CPED1: variants seen among roughly 807,000 people sequenced by gnomAD.
CPED1 encodes the protein cadherin-like and PC-esterase domain-containing protein 1.
Under a neutral mutation model 128.2 loss-of-function variants are expected in CPED1, and 114 were observed. That is an observed-to-expected ratio of 0.89 (90% CI 0.76 to 1.04). The LOEUF (loss-of-function observed/expected upper bound fraction) is 1.04, where lower values mean the gene tolerates loss of function less well. Among genes scored for constraint, CPED1 ranks in the 50% least tolerant of loss-of-function variants. The pLI, the probability that CPED1 is intolerant of heterozygous loss-of-function variation, is 0.00. For missense variants in CPED1, 1,211 were observed against 1,207.1 expected (o/e 1.00, Z -0.05); for synonymous variants, 462 against 426.7 (o/e 1.08, Z -1.02).
chr7:121,130,316 A>G (rs751694584), intron 12 of CPED1, 22 bp downstream of exon 12: 2 of 1,574,562 alleles, frequency 1.3e-6, no homozygotes, highest in Non-Finnish European at 1.7e-6. Context: ...ACAAATTTGA[A>G]TTGTACAATC....
intron 18 of CPED1, among the ~76,000 whole-genome samples, chr7:121,256,047 G>C (rs1354621161): frequency 8.2e-6 from 1 of 122,306 alleles, no homozygotes; most frequent in East Asian, 2.7e-4. Flanking sequence ...CATAGACTGG[G>C]AAAAACTATT....
intron 13 of CPED1, among the ~76,000 whole-genome samples, chr7:121,135,520 G>C (rs577841112): frequency 6.6e-6 from 1 of 152,174 alleles, no homozygotes; most frequent in South Asian, 2.1e-4. Context: ...GAATCAGTAG[G>C]TGCAGTGAAG....
chr7:121,088,794 T>C (rs187110691), intron 5 of CPED1, among the ~76,000 whole-genome samples: 1,494 of 54,598 alleles, frequency 0.027, 17 homozygotes, highest in Non-Finnish European at 0.044. Flanking sequence ...AAAAAAAAAT[T>C]GAAAGTGTAA....
chr7:121,227,770 G>A (rs1441892950), intron 16 of CPED1, among the ~76,000 whole-genome samples: 1 of 152,008 alleles, frequency 6.6e-6, no homozygotes, highest in Admixed American at 6.6e-5. Flanking sequence ...TACATGCCAG[G>A]CATGTAATAA....
At chr7:121,131,569 T>G (rs1262837727) in intron 12 of CPED1, among the ~76,000 whole-genome samples, 1 of 151,588 alleles carries the variant, frequency 6.6e-6, no homozygotes, top group African/African-American at 2.4e-5. Context: ...CCCAAGCAAA[T>G]TTTTCTCAAG....
intron 16 of CPED1, among the ~76,000 whole-genome samples, chr7:121,196,205 G>A (rs1289625653): frequency 6.6e-6 from 1 of 151,976 alleles, no homozygotes; most frequent in Admixed American, 6.6e-5. Context: ...TAAAATGGTG[G>A]GGAGAAGATT....
chr7:121,254,199 T>A (rs891313842), intron 18 of CPED1, among the ~76,000 whole-genome samples: 2 of 151,976 alleles, frequency 1.3e-5, no homozygotes, highest in Non-Finnish European at 2.9e-5. Context: ...AATTAAATCA[T>A]ACAAAGCACA....
intron 3 of CPED1, among the ~76,000 whole-genome samples, chr7:121,027,440 A>C (rs1170868753): frequency 1.3e-5 from 2 of 152,172 alleles, no homozygotes; most frequent in African/African-American, 4.8e-5. Flanking sequence ...TATGCAATTG[A>C]AAAAACAAAC....
intron 16 of CPED1, among the ~76,000 whole-genome samples, chr7:121,151,782 G>A (rs1303878602): frequency 6.6e-6 from 1 of 152,190 alleles, no homozygotes; most frequent in Non-Finnish European, 1.5e-5. Context: ...CTTTCTTTCA[G>A]CAGGCTATAA....
chr7:121,209,273 G>A (rs900260360), intron 16 of CPED1, among the ~76,000 whole-genome samples: 5 of 151,872 alleles, frequency 3.3e-5, no homozygotes, highest in Admixed American at 2.6e-4. Context: ...CTAGTCATTG[G>A]AACAGCTGAC....
intron 3 of CPED1, among the ~76,000 whole-genome samples, chr7:121,030,990 A>T (rs1289484532): frequency 1.3e-5 from 2 of 152,244 alleles, no homozygotes; most frequent in Non-Finnish European, 2.9e-5. Context: ...AAAGCAGTTC[A>T]TGTCATAAAT....
At chr7:121,107,481 A>G (rs1035809292) in intron 7 of CPED1, among the ~76,000 whole-genome samples, 1 of 152,098 alleles carries the variant, frequency 6.6e-6, no homozygotes, top group Non-Finnish European at 1.5e-5. Flanking sequence ...CATAGTAGCT[A>G]ATATTCAGCC....
chr7:121,263,465 C>A (rs1405658053), intron 18 of CPED1, among the ~76,000 whole-genome samples: 1 of 152,012 alleles, frequency 6.6e-6, no homozygotes, highest in Non-Finnish European at 1.5e-5. Flanking sequence ...TATTTAAAAT[C>A]ACATTTAAGT....
intron 14 of CPED1, among the ~76,000 whole-genome samples, chr7:121,137,613 A>T (rs955843071): frequency 1.3e-5 from 2 of 152,114 alleles, no homozygotes; most frequent in Non-Finnish European, 2.9e-5. Flanking sequence ...GTTTAATAGA[A>T]TTAACGTATA....
At chr7:121,061,194 GAT>G in intron 4 of CPED1, 1 of 952,720 alleles carries the variant, frequency 1.0e-6, no homozygotes, top group Non-Finnish European at 1.2e-6. Flanking sequence ...GACACATTAG[GAT>G]TGTGAAAGGT....
intron 5 of CPED1, among the ~76,000 whole-genome samples, chr7:121,077,164 T>TGGTGG (rs1300419827): frequency 6.6e-6 from 1 of 152,138 alleles, no homozygotes; most frequent in Non-Finnish European, 1.5e-5. Context: ...CAATCAGTGG[T>TGGTGG]GGTGGGTATA....
intron 3 of CPED1, among the ~76,000 whole-genome samples, chr7:121,031,681 C>G (rs1456195570): frequency 6.6e-6 from 1 of 152,152 alleles, no homozygotes; most frequent in Admixed American, 6.5e-5. Flanking sequence ...TAGACATTAT[C>G]ACATGTCTTC....
chr7:121,093,427 C>CACACACACACACACAG (rs1234770008), intron 5 of CPED1, among the ~76,000 whole-genome samples: 1 of 151,078 alleles, frequency 6.6e-6, no homozygotes, highest in African/African-American at 2.5e-5. Flanking sequence ...CACACACACA[C>CACACACACACACACAG]AGTTGTTTGT....
chr7:121,000,965 T>C lies in CPED1; in HGVS notation c.249+11095T>C, dbSNP rs141519265. On this transcript the variant is annotated intron_variant, in intron 2 of 22. Transcript: ENST00000310396. ...AAGCATGGTTGTTGGCCAGAGTCAA[T>C]GTTCAATAAATATTATGTGTGTCCT... Among the ~76,000 whole-genome samples, 143 of 152,270 alleles carry C rather than the reference T, an allele frequency of 9.4e-4. 1 individual carries two copies. The highest frequency in any genetic ancestry group is 3.3e-3 in the African/African-American group (136 of 41,562).
Sources: gnomAD v4.1 joint callset for allele counts (sites outside exome capture counted in the v4.1 genomes callset) on GRCh38, gnomAD v4.1.1 for gene constraint, MANE v1.5 for transcripts, NCBI Gene and HGNC (gene_info 2026-07-23, HGNC 2026-07-21) for gene names.